Variants in INTS8 observed in about 807,000 individuals in gnomAD.
INTS8 encodes the protein integrator complex subunit 8, also known as protein kaonashi-1.
INTS8 carries 47 observed loss-of-function variants against 138.9 expected under a neutral mutation model. The observed-to-expected ratio is 0.34, with a 90% confidence interval of 0.27 to 0.43. The LOEUF (loss-of-function observed/expected upper bound fraction) is 0.43, where lower values mean the gene tolerates loss of function less well. Ranked by LOEUF, INTS8 falls within the 20% of genes least tolerant of loss-of-function variation. INTS8 has a pLI of 1.00. For missense variants in INTS8, 996 were observed against 1,173.0 expected, an observed-to-expected ratio of 0.85 and a Z score of 2.20; for synonymous variants, 392 against 400.9, an observed-to-expected ratio of 0.98 and a Z score of 0.27.
intron 8 of INTS8, 143 bp from the exon 9 acceptor site, chr8:94,841,348 T>C (rs1815125931): frequency 4.2e-6 from 2 of 475,266 alleles, no homozygotes. Flanking sequence ...AATTTTAGAA[T>C]TTTAGGAAGA....
chr8:94,876,752 C>T (rs1052402396), intron 26 of INTS8: 2 of 365,806 alleles, frequency 5.5e-6, no homozygotes, highest in Non-Finnish European at 9.7e-6. Flanking sequence ...AAAAGTCTTA[C>T]GATGGCTTTA....
chr8:94,865,402 G>A, intron 16 of INTS8, 104 bp from the exon 17 acceptor site: 1 of 879,648 alleles, frequency 1.1e-6, no homozygotes, highest in South Asian at 1.7e-5. Flanking sequence ...TGCTTAGTAT[G>A]TTTGGGCAGT....
At chr8:94,874,955 A>G (rs565677601) in intron 23 of INTS8, among the ~76,000 whole-genome samples, 1 of 152,324 alleles carries the variant, frequency 6.6e-6, no homozygotes, top group African/African-American at 2.4e-5. Flanking sequence ...ACATTTAAAA[A>G]CAAATGTTGG....
chr8:94,877,898 C>T (rs1230880990), intron 26 of INTS8, among the ~76,000 whole-genome samples: 1 of 152,132 alleles, frequency 6.6e-6, no homozygotes, highest in African/African-American at 2.4e-5. Flanking sequence ...CTTCCCTTCT[C>T]TGCTCATCTC....
intron 13 of INTS8, 79 bp downstream of exon 13, chr8:94,851,765 C>T: frequency 8.1e-7 from 1 of 1,239,626 alleles, no homozygotes; most frequent in Non-Finnish European, 1.1e-6. Context: ...GTTCCCTGAC[C>T]TTTTTGATAA....
intron 10 of INTS8, among the ~76,000 whole-genome samples, chr8:94,847,683 C>T (rs1337275352): frequency 6.6e-6 from 1 of 151,856 alleles, no homozygotes; most frequent in African/African-American, 2.4e-5. Flanking sequence ...CAGAGATGCC[C>T]ACTAGTTTGA....
intron 14 of INTS8, among the ~76,000 whole-genome samples, chr8:94,854,550 T>G (rs1815675774): frequency 6.6e-6 from 1 of 152,224 alleles, no homozygotes; most frequent in Non-Finnish European, 1.5e-5. Context: ...TTACATGAGT[T>G]TGCAGTCTGG....
chr8:94,852,566 A>G (rs1563656808), intron 13 of INTS8, among the ~76,000 whole-genome samples: 1 of 152,092 alleles, frequency 6.6e-6, no homozygotes, highest in East Asian at 1.9e-4. Context: ...AAGATGTAGT[A>G]AAAAGGCAGC....
At position 94,880,157 on chromosome 8, in the gene INTS8, C is replaced by T. The variant is rs964466151; in HGVS notation, c.2911C>T (p.Pro971Ser). 1 of 1,611,842 alleles carries T rather than the reference C, an allele frequency of 6.2e-7. No individual in the cohort carries two copies. The highest frequency in any genetic ancestry group is 1.1e-5 in the South Asian group (1 of 90,650). The change falls in exon 27 of 27, where the codon CCA (proline) becomes TCA (serine). Residue 971 changes from proline (P) to serine (S), a missense_variant. Physicochemically the swap from Pro to Ser is moderately conservative, Grantham distance 74 (BLOSUM62 -1). Transcript: ENST00000523731. Reference protein sequence around the residue: ...IGQTELNASNPEEVLQLAAQR... With the variant: ...IGQTELNASNSEEVLQLAAQR... ...CCAGACAGAGTTGAATGCAAGCAAT[C>T]CAGAAGAAGTGTTACAGCTGGCAGC...
At chr8:94,854,963 C>A (rs1815691892) in intron 14 of INTS8, among the ~76,000 whole-genome samples, 1 of 139,618 alleles carries the variant, frequency 7.2e-6, no homozygotes, top group Non-Finnish European at 1.5e-5. Flanking sequence ...CCAGGCTGAT[C>A]TTAAACTCCT....
chr8:94,858,951 T>TA, intron 15 of INTS8, among the ~76,000 whole-genome samples: 1 of 152,290 alleles, frequency 6.6e-6, no homozygotes, highest in Non-Finnish European at 1.5e-5. Flanking sequence ...TCCTATAGCT[T>TA]ATGCTTATAA....
Position 94,876,164 on chromosome 8 carries a change from A to C in INTS8, c.2762+17A>C, listed in dbSNP as rs200251131. 28 of 1,604,824 alleles carry C rather than the reference A, an allele frequency of 1.7e-5. No homozygotes were observed. In the East Asian group the frequency reaches 6.0e-4, roughly 35 times the overall value. ...ACAAAACAGGTATGAATAATATTTT[A>C]AAAATAATGAGGTCAACATTTTTCT... On this transcript the variant is annotated intron_variant, in intron 24 of 26. Coordinates refer to ENST00000523731, the MANE Select transcript of INTS8 (RefSeq NM_017864.4).
chr8:94,865,495 T>C lies in INTS8; in HGVS notation c.2077-11T>C. ...GATTATCTTTTGTGTATTTTGTTTTTCATGTTATAGCTTGGACAGCTTTTA... is the reference window on the plus strand; with the variant it reads ...GATTATCTTTTGTGTATTTTGTTTTCCATGTTATAGCTTGGACAGCTTTTA... On this transcript the variant is annotated splice_polypyrimidine_tract_variant and intron_variant, in intron 16 of 26. Transcript: ENST00000523731. 6.2e-7 allele frequency: 1 copy of C among 1,606,198 alleles called. No homozygotes were observed. The highest frequency in any genetic ancestry group is 1.3e-5 in the African/African-American group (1 of 74,738).
chr8:94,860,989 G>A (rs1344216493), intron 16 of INTS8, among the ~76,000 whole-genome samples: 4 of 149,194 alleles, frequency 2.7e-5, no homozygotes, highest in Non-Finnish European at 5.9e-5. Flanking sequence ...CCCGGGAGGC[G>A]GAGCTTGCAG....
Position 94,823,320 on chromosome 8 carries a change from C to A in INTS8, c.-112C>A. ...GGATTGTGTGAGTTTCCGGGACGTT[C>A]GGAGGGTGGCCTCTCTCCCACCGGG... On this transcript the variant is annotated 5_prime_UTR_variant, in exon 1 of 27. Coordinates refer to ENST00000523731, the MANE Select transcript of INTS8 (RefSeq NM_017864.4). 1 of 1,518,238 alleles carries A rather than the reference C, an allele frequency of 6.6e-7. No homozygotes were observed. The highest frequency in any genetic ancestry group is 2.5e-5 in the East Asian group (1 of 40,622). 94.0% of individuals were successfully genotyped at this position (1,518,238 alleles called of 1,614,324 possible).
At chr8:94,840,040 G>A (rs1473244468) in intron 8 of INTS8, among the ~76,000 whole-genome samples, 1 of 152,204 alleles carries the variant, frequency 6.6e-6, no homozygotes, top group African/African-American at 2.4e-5. Flanking sequence ...ATAGTGTAAT[G>A]GGTAGCTAAG....
intron 10 of INTS8, among the ~76,000 whole-genome samples, chr8:94,845,243 C>T (rs1024766048): frequency 1.3e-5 from 2 of 152,112 alleles, no homozygotes; most frequent in African/African-American, 4.8e-5. Context: ...CTTTGATCAA[C>T]CTACAGTTGA....
intron 9 of INTS8, among the ~76,000 whole-genome samples, chr8:94,842,139 A>G (rs1323999087): frequency 6.6e-6 from 1 of 151,824 alleles, no homozygotes; most frequent in Admixed American, 6.6e-5. Flanking sequence ...GTTGTCTAAT[A>G]TGTAACTACA....
intron 13 of INTS8, among the ~76,000 whole-genome samples, chr8:94,852,824 T>A (rs2131035151): frequency 6.6e-6 from 1 of 152,116 alleles, no homozygotes; most frequent in African/African-American, 2.4e-5. Context: ...GGTCTCGAAC[T>A]CCTGACCTCC....
Sources: gnomAD v4.1 joint callset for allele counts (sites outside exome capture counted in the v4.1 genomes callset) on GRCh38, gnomAD v4.1.1 for gene constraint, MANE v1.5 for transcripts, NCBI Gene and HGNC (gene_info 2026-07-23, HGNC 2026-07-21) for gene names.